GRK1: variants seen among roughly 807,000 people sequenced by gnomAD.
GRK1 encodes the protein rhodopsin kinase GRK1.
In GRK1, 28 loss-of-function variants were observed where a neutral mutation model predicts 41.7. The observed-to-expected ratio is 0.67, with a 90% CI of 0.50 to 0.92. The LOEUF (loss-of-function observed/expected upper bound fraction) is 0.92. Among genes scored for constraint, GRK1 ranks in the 40% least tolerant of loss-of-function variants. GRK1 has a pLI of 0.00. For synonymous variants in GRK1, 327 were observed against 286.7 expected (o/e 1.14, Z -1.42); for missense variants, 703 against 671.2 (o/e 1.05, Z -0.52).
the GRK1 span, among the ~76,000 whole-genome samples, chr13:113,660,071 C>T: frequency 7.9e-5 from 12 of 152,296 alleles, no homozygotes; most frequent in African/African-American, 2.9e-4. Flanking sequence ...TGGACACATA[C>T]GTGTGGGGAG....
At position 113,670,177 on chromosome 13, in the gene GRK1, G is replaced by A. The variant is rs564135560; in HGVS notation, c.827+363G>A. Among the ~76,000 whole-genome samples, 55 of 152,236 alleles carry A rather than the reference G, an allele frequency of 3.6e-4. 1 individual carries two copies. The highest frequency in any genetic ancestry group is 1.2e-3 in the African/African-American group (48 of 41,544). ...GTAAATGAAGACGAACTTCACCAGCGCCCACTCCTAGGGCTGACCCTAGAG... is the reference window on the plus strand; with the variant it reads ...GTAAATGAAGACGAACTTCACCAGCACCCACTCCTAGGGCTGACCCTAGAG... On this transcript the variant is annotated intron_variant, in intron 2 of 6. Coordinates refer to ENST00000335678, the MANE Select transcript of GRK1 (RefSeq NM_002929.3).
chr13:113,732,660 C>G (rs1034319463), intron 5 of GRK1, among the ~76,000 whole-genome samples: 1 of 152,174 alleles, frequency 6.6e-6, no homozygotes, highest in Non-Finnish European at 1.5e-5. Context: ...GCCAGAGTCC[C>G]CAAAATGCAC....
At chr13:113,660,038 A>C in the GRK1 span, among the ~76,000 whole-genome samples, 1 of 152,252 alleles carries the variant, frequency 6.6e-6, no homozygotes, top group East Asian at 1.9e-4. Flanking sequence ...AGCTGTACAC[A>C]TGTTATCAGA....
At chr13:113,724,833 A>T (rs889865299) in intron 4 of GRK1, among the ~76,000 whole-genome samples, 2 of 151,904 alleles carry the variant, frequency 1.3e-5, no homozygotes, top group African/African-American at 4.8e-5. Flanking sequence ...AGTCTTTGGG[A>T]CCCTTGCCAA....
chr13:113,656,418 C>T, the GRK1 span, among the ~76,000 whole-genome samples: 9 of 152,204 alleles, frequency 5.9e-5, no homozygotes, highest in Non-Finnish European at 1.2e-4. Context: ...CTCAGCTCCA[C>T]CAGGCGGCTC....
intron 4 of GRK1, among the ~76,000 whole-genome samples, chr13:113,724,723 G>A (rs931250349): frequency 7.9e-5 from 12 of 152,202 alleles, no homozygotes; most frequent in Non-Finnish European, 1.3e-4. Context: ...CATCCTGGGG[G>A]ATCCCATGGC....
intron 4 of GRK1, among the ~76,000 whole-genome samples, chr13:113,727,544 A>G (rs147311003): frequency 0.022 from 3,323 of 150,380 alleles, 116 homozygotes; most frequent in African/African-American, 0.075. Context: ...TACCCATGGC[A>G]ATGAGGAGTA....
At position 113,733,649 on chromosome 13, in the gene GRK1, A is replaced by G. The variant is rs182363252; in HGVS notation, c.1396+564A>G. On this transcript the variant is annotated intron_variant, in intron 6 of 6. Transcript: ENST00000335678. ...TACGTGTGTGCTCATGTATGTGTGC[A>G]TACGTGTGTGTGCGTGTGTGCACGT... Among the ~76,000 whole-genome samples the G allele has an allele frequency of 1.3e-3, 137 of 102,124 alleles. 1 individual carries two copies. The highest frequency in any genetic ancestry group is 6.5e-3 in the African/African-American group (131 of 20,276). The allele number at this position is 102,124 out of a possible 152,430, so 67.0% of individuals were successfully genotyped here. A position where few individuals can be genotyped will look rare whatever the true frequency, so the allele number is the denominator to read the frequency against.
chr13:113,733,688 TGTGCATAC>T (rs1269881839), intron 6 of GRK1, among the ~76,000 whole-genome samples: 16 of 145,806 alleles, frequency 1.1e-4, no homozygotes, highest in African/African-American at 3.8e-4. Flanking sequence ...TGCATGTATG[TGTGCATAC>T]ATGTGTGCGT....
rs1326397205 is a variant in GRK1 at position 113,671,410 on chromosome 13, G to C, written c.828-89G>C. On this transcript the variant is annotated intron_variant, in intron 2 of 6. Coordinates refer to ENST00000335678, the MANE Select transcript of GRK1 (RefSeq NM_002929.3). This position sits in a 1 kb window ranked among gnomAD's most constrained non-coding sequence, Gnocchi z 4.1. ...AAAACGACCAGAACGCTGGCCGAGA[G>C]ACATGGTTCTGAGGCCCCAGCTCTG... 4 of 756,938 alleles carry C rather than the reference G, an allele frequency of 5.3e-6. No homozygotes were observed. The African/African-American group carries it at 6.8e-5, about 13-fold the overall frequency. The allele number at this position is 756,938 out of a possible 1,614,324, so 46.9% of individuals were successfully genotyped here.
At chr13:113,733,969 C>CAT (rs1468770779) in intron 6 of GRK1, among the ~76,000 whole-genome samples, 21 of 87,906 alleles carry the variant, frequency 2.4e-4, no homozygotes, top group African/African-American at 1.0e-3. Flanking sequence ...CGTGTGTGTG[C>CAT]GTGTGTGCGC....
intron 6 of GRK1, chr13:113,734,591 G>C (rs1361110947): frequency 6.5e-6 from 1 of 153,450 alleles, no homozygotes; most frequent in African/African-American, 2.4e-5. Flanking sequence ...GGCCATCGGG[G>C]GCCGGTGCGT....
upstream of GRK1, among the ~76,000 whole-genome samples, chr13:113,664,789 T>C (rs990581436): frequency 2.6e-5 from 4 of 152,184 alleles, no homozygotes; most frequent in Non-Finnish European, 5.9e-5. This position sits in a 1 kb window ranked among gnomAD's most constrained non-coding sequence, Gnocchi z 5.4. Context: ...GTTTGAGGCA[T>C]GAACCAGGAC....
the GRK1 span, among the ~76,000 whole-genome samples, chr13:113,653,642 T>G: frequency 6.6e-6 from 1 of 152,202 alleles, no homozygotes; most frequent in African/African-American, 2.4e-5. Context: ...GCCCCGGCCC[T>G]GGAACCTGGC....
intron 6 of GRK1, among the ~76,000 whole-genome samples, chr13:113,734,038 G>GTA (rs557792324): frequency 7.3e-6 from 1 of 137,080 alleles, no homozygotes; most frequent in Non-Finnish European, 1.5e-5. Context: ...GTGTGCGTAT[G>GTA]TGTGTGTGCA....
At chr13:113,651,644 C>A in the GRK1 span, 32 of 1,583,762 alleles carry the variant, frequency 2.0e-5, no homozygotes, top group South Asian at 2.9e-4. Flanking sequence ...CCTGGGGCAG[C>A]CCTGCCCGCC....
chr13:113,649,668 G>A, the GRK1 span: 4 of 1,025,368 alleles, frequency 3.9e-6, no homozygotes, highest in Non-Finnish European at 5.3e-6. The surrounding 1 kb of genome is among the most constrained non-coding windows in gnomAD (Gnocchi z 4.7). Context: ...GGCCCTGACC[G>A]AGTGCATGCC....
chr13:113,649,142 A>G, the GRK1 span: 5 of 401,720 alleles, frequency 1.2e-5, no homozygotes, highest in African/African-American at 1.1e-4. The surrounding 1 kb of genome is among the most constrained non-coding windows in gnomAD (Gnocchi z 4.7). Flanking sequence ...GGACATTCTT[A>G]TAGCAGCAAA....
At chr13:113,728,583 G>A (rs2049911243) in intron 4 of GRK1, among the ~76,000 whole-genome samples, 1 of 152,186 alleles carries the variant, frequency 6.6e-6, no homozygotes, top group Non-Finnish European at 1.5e-5. Flanking sequence ...AGCAAGTGCT[G>A]TGCTCATCAC....
Sources: gnomAD v4.1 joint callset for allele counts (sites outside exome capture counted in the v4.1 genomes callset) on GRCh38, gnomAD v4.1.1 for gene constraint, Gnocchi (gnomAD v3.1) non-coding constraint, MANE v1.5 for transcripts, NCBI Gene and HGNC (gene_info 2026-07-23, HGNC 2026-07-21) for gene names.